The following SF1 variants were observed in gnomAD, a reference collection of about 807,000 sequenced individuals.
SF1 encodes splicing factor 1.
In SF1, 7 loss-of-function variants were observed where a neutral mutation model predicts 62.5. That is an observed-to-expected ratio of 0.11 (90% CI 0.06 to 0.21). The LOEUF is 0.21. Among genes scored for constraint, SF1 ranks in the 10% least tolerant of loss-of-function variants. SF1 has a pLI of 1.00. For synonymous variants in SF1, 394 were observed against 323.6 expected, an observed-to-expected ratio of 1.22 and a Z score of -2.33; for missense variants, 578 against 884.0, an observed-to-expected ratio of 0.65 and a Z score of 4.39.
Position 64,767,504 on chromosome 11 carries a change from C to A in SF1, c.1342+67G>T, listed in dbSNP as rs1452688601. ...CCACTTGAGAGCTGCTTCTAGCCAA[C>A]AGCGACCTGACGTAACCCCTTGCTT... is the stretch of plus-strand genomic sequence containing the variant. On this transcript the variant is annotated intron_variant, in intron 10 of 12. Transcript: ENST00000377390. The A allele has an allele frequency of 4.8e-6, 7 of 1,466,762 alleles. No homozygotes were observed. The East Asian group carries it at 1.6e-4, about 33-fold the overall frequency. 90.9% of individuals were successfully genotyped at this position (1,466,762 alleles called of 1,614,324 possible).
intron 11 of SF1, 25 bp from the exon 12 acceptor site, chr11:64,767,104 G>A (rs1300762468): frequency 6.2e-7 from 1 of 1,607,852 alleles, no homozygotes; most frequent in Non-Finnish European, 8.5e-7. Context: ...AGGCAAAGAT[G>A]AGGCCTCAGG....
In SF1 at chr11:64,765,895, T is replaced by A; in HGVS notation, c.1843A>T (p.Met615Leu). 1 of 1,562,712 alleles carries A rather than the reference T, an allele frequency of 6.4e-7. No homozygotes were observed. Among genetic ancestry groups the A allele is most frequent in the Non-Finnish European group, 8.7e-7 (1 of 1,154,874 alleles). Residue 615 changes from methionine (M) to leucine (L), a missense_variant, in exon 13 of 13, where the codon ATG becomes TTG. This residue lies in a region of SF1 where 410 missense variants were observed against 452.4 expected (regional missense o/e 0.91). Coordinates refer to ENST00000377390, the MANE Select transcript of SF1 (RefSeq NM_004630.4). The part of the protein sequence containing the change: ...PPMDPSNFVT[M>L]MGMGVAGMPP... The stretch of plus-strand genomic sequence containing the variant: ...ATGCCCGCCACCCCCATGCCCATCA[T>A]GGTGACAAAGTTAGAAGGGTCCATG...
At chr11:64,770,197 G>A in intron 4 of SF1, 59 bp downstream of exon 4, 1 of 1,586,914 alleles carries the variant, frequency 6.3e-7, no homozygotes, top group Non-Finnish European at 8.6e-7. Flanking sequence ...TCCCATCCCA[G>A]CAGGTCACCC....
In SF1 at chr11:64,765,731, A is replaced by C; in HGVS notation, c.*87T>G. 2.0e-6 allele frequency: 3 copies of C among 1,466,176 alleles called. No individual in the cohort carries two copies. The highest frequency in any genetic ancestry group is 2.7e-6 in the Non-Finnish European group (3 of 1,109,858). The allele number at this position is 1,466,176 out of a possible 1,614,324, so 90.8% of individuals were successfully genotyped here. On this transcript the variant is annotated 3_prime_UTR_variant, in exon 13 of 13. Coordinates refer to ENST00000377390, the MANE Select transcript of SF1 (RefSeq NM_004630.4). Reference sequence around the variant, plus strand: ...CACACAATCACATGCGTGCGTCCCAATGTCTGGCTCCATATGGTGAGGTTC... The same window carrying C: ...CACACAATCACATGCGTGCGTCCCACTGTCTGGCTCCATATGGTGAGGTTC...
intron 2 of SF1, among the ~76,000 whole-genome samples, chr11:64,774,103 TGTACTA>T (rs1169176165): frequency 6.6e-6 from 1 of 152,236 alleles, no homozygotes; most frequent in African/African-American, 2.4e-5. Context: ...CAACCAGACC[TGTACTA>T]GTAAGGGTCT....
intron 12 of SF1, 74 bp from the exon 13 acceptor site, chr11:64,766,229 TGGGGG>T: frequency 1.2e-6 from 1 of 852,010 alleles, no homozygotes; most frequent in Non-Finnish European, 1.6e-6. Flanking sequence ...TGCCTTGGGA[TGGGGG>T]CGAGGGGCGC....
Position 64,765,548 on chromosome 11 carries a change from G to A in SF1, c.*270C>T, listed in dbSNP as rs758146617. The A allele has an allele frequency of 6.3e-7, 1 of 1,591,748 alleles. No homozygotes were observed. Among genetic ancestry groups the A allele is most frequent in the East Asian group, 2.3e-5 (1 of 44,156 alleles). ...CGGCCCGGTTTGGGGAGAGGCAAAG[G>A]GAGTTGGGTGAGGAGAGAAAGAAGA... On this transcript the variant is annotated 3_prime_UTR_variant, in exon 13 of 13. Transcript: ENST00000377390.
intron 3 of SF1, chr11:64,772,598 C>T: frequency 1.0e-6 from 1 of 985,154 alleles, no homozygotes; most frequent in Non-Finnish European, 1.2e-6. Flanking sequence ...TTCAACTATT[C>T]TGTATGTACT....
intron 1 of SF1, among the ~76,000 whole-genome samples, chr11:64,777,226 T>C (rs946552922): frequency 6.6e-6 from 1 of 152,184 alleles, no homozygotes; most frequent in Non-Finnish European, 1.5e-5. Context: ...TAAAAGGATC[T>C]ATCAAAAATT....
Position 64,778,422 on chromosome 11 carries a change from G to C in SF1, c.-30C>G. On this transcript the variant is annotated 5_prime_UTR_variant, in exon 1 of 13. Coordinates refer to ENST00000377390, the MANE Select transcript of SF1 (RefSeq NM_004630.4). The stretch of plus-strand genomic sequence containing the variant: ...CCCCCGGGGACAGGCACCGGCACCT[G>C]CTTTTCCTCTGCGGCGGCTTCTCCT... 1 of 1,224,334 alleles carries C rather than the reference G, an allele frequency of 8.2e-7. No homozygotes were observed. The highest frequency in any genetic ancestry group is 1.0e-6 in the Non-Finnish European group (1 of 982,008). The allele number at this position is 1,224,334 out of a possible 1,614,324, so 75.8% of individuals were successfully genotyped here. A position where few individuals can be genotyped will look rare whatever the true frequency, so the allele number is the denominator to read the frequency against.
In SF1 at chr11:64,773,434, C is replaced by G. The variant is rs2135951292; in HGVS notation, c.232G>C (p.Asp78His). ...TGGTTAAAACTGTTTCCCAACCTGT[C>G]CTCAGGGTTAGGGGGGATGCCCAGG... Reference protein sequence around the residue: ...GDLGIPPNPEDRSPSPEPIYN... With the variant: ...GDLGIPPNPEHRSPSPEPIYN... The change falls in exon 3 of 13, where the codon GAC (aspartate) becomes CAC (histidine). Residue 78 changes from aspartate to histidine, a missense_variant. Around this residue, in one of 7 missense-constraint regions of SF1, gnomAD observed 68 missense variants for 170.7 expected, o/e 0.40. Transcript: ENST00000377390. The G allele has an allele frequency of 1.2e-6, 2 of 1,613,218 alleles. No individual in the cohort carries two copies. Among genetic ancestry groups the G allele is most frequent in the Non-Finnish European group, 1.7e-6 (2 of 1,179,788 alleles).
In SF1 at chr11:64,765,491, CGGG is replaced by C; in HGVS notation, c.*324_*326del. 1 of 1,612,444 alleles carries C rather than the reference CGGG, an allele frequency of 6.2e-7. No individual in the cohort carries two copies. The highest frequency in any genetic ancestry group is 8.5e-7 in the Non-Finnish European group (1 of 1,179,410). ...GCGGAAAGTCCTCACTCTCATGGCT[CGGG>C]CCATCGCCGCCGCGGGGAGGGATCC... is the stretch of plus-strand genomic sequence containing the variant. On this transcript the variant is annotated 3_prime_UTR_variant, in exon 13 of 13. Transcript: ENST00000377390.
rs1473129040 is a variant in SF1, at chr11:64,778,471, G to GA, written c.-80dup. ...CTTCGCAAGCCTCCCGGGGGGAGGGGACCCGAATGCGCTGCCGGAGCGCGC... is the reference window on the plus strand; with the variant it reads ...CTTCGCAAGCCTCCCGGGGGGAGGGGAACCCGAATGCGCTGCCGGAGCGCGC... On this transcript the variant is annotated 5_prime_UTR_variant, in exon 1 of 13. Transcript: ENST00000377390. The GA allele has an allele frequency of 1.7e-6, 2 of 1,206,558 alleles. No individual in the cohort carries two copies. Among genetic ancestry groups the GA allele is most frequent in the Non-Finnish European group, 1.0e-6 (1 of 970,756 alleles). 74.7% of individuals were successfully genotyped at this position (1,206,558 alleles called of 1,614,324 possible).
chr11:64,769,707 G>T, intron 5 of SF1, 98 bp from the exon 6 acceptor site: 2 of 1,106,750 alleles, frequency 1.8e-6, no homozygotes, highest in Non-Finnish European at 2.6e-6. Flanking sequence ...AACCACAAGC[G>T]CAGAGAATTG....
Position 64,765,685 on chromosome 11 carries a change from GCACA to G in SF1, c.*129_*132del. 3.4e-6 allele frequency: 5 copies of G among 1,467,156 alleles called. No homozygotes were observed. The highest frequency in any genetic ancestry group is 4.5e-6 in the Non-Finnish European group (5 of 1,112,628). The allele number at this position is 1,467,156 out of a possible 1,614,324, so 90.9% of individuals were successfully genotyped here. ...AGTCGCTTGGCCCAGCCCAGTGCGT[GCACA>G]CACACACATGCGTGCACACACAATC... is the stretch of plus-strand genomic sequence containing the variant. On this transcript the variant is annotated 3_prime_UTR_variant, in exon 13 of 13. Transcript: ENST00000377390.
At position 64,765,716 on chromosome 11, in the gene SF1, C is replaced by T. The variant is rs1253505849; in HGVS notation, c.*102G>A. The T allele has an allele frequency of 2.1e-6, 3 of 1,463,300 alleles. No individual in the cohort carries two copies. The highest frequency in any genetic ancestry group is 2.7e-6 in the Non-Finnish European group (3 of 1,108,992). 90.6% of individuals were successfully genotyped at this position (1,463,300 alleles called of 1,614,324 possible). On this transcript the variant is annotated 3_prime_UTR_variant, in exon 13 of 13. Transcript: ENST00000377390. ...ACACACATGCGTGCACACACAATCA[C>T]ATGCGTGCGTCCCAATGTCTGGCTC... is the stretch of plus-strand genomic sequence containing the variant.
chr11:64,775,009 T>A (rs1175065895), intron 2 of SF1, among the ~76,000 whole-genome samples: 1 of 151,200 alleles, frequency 6.6e-6, no homozygotes, highest in Non-Finnish European at 1.5e-5. Flanking sequence ...CAAAGCAGTA[T>A]GTACCGTGGG....
rs768439817 is a variant in SF1 at position 64,765,446 on chromosome 11, T to C, written c.*372A>G. On this transcript the variant is annotated 3_prime_UTR_variant, in exon 13 of 13. Transcript: ENST00000377390. ...AGGGGCGTTGCTGAGGCTGTCTGCC[T>C]GGAAGGGTCACCAATGGGCGCGGAA... The C allele has an allele frequency of 6.3e-5, 102 of 1,606,420 alleles. No individual in the cohort carries two copies. The highest frequency in any genetic ancestry group is 8.4e-5 in the Non-Finnish European group (99 of 1,173,400).
At chr11:64,774,197 A>G (rs1199903667) in intron 2 of SF1, among the ~76,000 whole-genome samples, 1 of 152,214 alleles carries the variant, frequency 6.6e-6, no homozygotes, top group Non-Finnish European at 1.5e-5. Flanking sequence ...ATCTTAATAA[A>G]CCAGTAACCA....
Sources: allele counts gnomAD v4.1 joint callset (sites outside exome capture counted in the v4.1 genomes callset), GRCh38; gene constraint gnomAD v4.1.1; regional missense constraint gnomAD v4.1.1; transcripts MANE v1.5; gene names NCBI Gene and HGNC (gene_info 2026-07-23, HGNC 2026-07-21).